ACVR1: variants seen among roughly 807,000 people sequenced by gnomAD.
ACVR1 encodes activin receptor type-1.
ACVR1 carries 38 observed loss-of-function variants against 57.1 expected under a neutral mutation model. That is an observed-to-expected ratio of 0.67 (90% CI 0.51 to 0.87). ACVR1 has a LOEUF of 0.87. Among genes scored for constraint, ACVR1 ranks in the 40% least tolerant of loss-of-function variants. The pLI, the probability that ACVR1 is intolerant of heterozygous loss-of-function variation, is 0.00. For missense variants in ACVR1, 463 were observed against 638.2 expected (o/e 0.73, Z 2.96); for synonymous variants, 212 against 228.1 (o/e 0.93, Z 0.63).
intron 9 of ACVR1, among the ~76,000 whole-genome samples, chr2:157,740,513 G>A (rs150835860): frequency 7.6e-4 from 115 of 152,222 alleles, no homozygotes; most frequent in African/African-American, 2.6e-3. Flanking sequence ...AGTAAGACAC[G>A]TGCCCTTCAC....
chr2:157,872,181 A>G (rs1489066220), intron 1 of ACVR1, among the ~76,000 whole-genome samples: 1 of 152,234 alleles, frequency 6.6e-6, no homozygotes, highest in Non-Finnish European at 1.5e-5. Flanking sequence ...TTCCAGGAAT[A>G]AAGCCACAGT....
intron 9 of ACVR1, among the ~76,000 whole-genome samples, chr2:157,752,454 G>C (rs1685241944): frequency 6.6e-6 from 1 of 152,148 alleles, no homozygotes; most frequent in Non-Finnish European, 1.5e-5. Flanking sequence ...TCCAAACCAA[G>C]AAGAAGAAAT....
intron 9 of ACVR1, 74 bp from the exon 10 acceptor site, chr2:157,738,644 T>C: frequency 6.2e-7 from 1 of 1,605,078 alleles, no homozygotes; most frequent in South Asian, 1.1e-5. Flanking sequence ...TTGATGGGTG[T>C]CACAGGTTAT....
chr2:157,815,164 C>T (rs997701356), intron 2 of ACVR1, among the ~76,000 whole-genome samples: 2 of 151,998 alleles, frequency 1.3e-5, no homozygotes, highest in African/African-American at 2.4e-5. Flanking sequence ...AATAAGAAAA[C>T]GTATAAAACC....
intron 9 of ACVR1, among the ~76,000 whole-genome samples, chr2:157,750,274 G>A (rs1396697076): frequency 1.3e-5 from 2 of 152,174 alleles, no homozygotes; most frequent in African/African-American, 4.8e-5. Context: ...TGCCATTGCT[G>A]GCCCTTGAGC....
intron 3 of ACVR1, among the ~76,000 whole-genome samples, chr2:157,788,799 A>G (rs777225319): frequency 1.1e-4 from 16 of 152,040 alleles, no homozygotes; most frequent in Non-Finnish European, 1.8e-4. Flanking sequence ...ATTTTAAAAT[A>G]ACAGTCAAAA....
At chr2:157,756,585 G>A (rs1182358731) in intron 9 of ACVR1, among the ~76,000 whole-genome samples, 1 of 152,010 alleles carries the variant, frequency 6.6e-6, no homozygotes, top group Admixed American at 6.6e-5. Context: ...TCAGGGAAAT[G>A]CAAATCAAAA....
intron 1 of ACVR1, among the ~76,000 whole-genome samples, chr2:157,854,494 G>A (rs545438038): frequency 7.9e-5 from 12 of 152,120 alleles, no homozygotes; most frequent in Non-Finnish European, 1.3e-4. Context: ...AGGCCGAGGC[G>A]GGAGGATCAC....
intron 1 of ACVR1, among the ~76,000 whole-genome samples, chr2:157,848,855 A>G (rs966031805): frequency 6.6e-6 from 1 of 152,230 alleles, no homozygotes; most frequent in Non-Finnish European, 1.5e-5. Flanking sequence ...ATTAGCAGCA[A>G]TGAACATGAG....
chr2:157,756,964 T>A (rs183640299), intron 9 of ACVR1, among the ~76,000 whole-genome samples: 132 of 144,138 alleles, frequency 9.2e-4, no homozygotes, highest in South Asian at 6.3e-3. Flanking sequence ...ACGTATTTTT[T>A]ATATATATTT....
chr2:157,771,605 A>C, intron 6 of ACVR1, among the ~76,000 whole-genome samples: 1 of 152,162 alleles, frequency 6.6e-6, no homozygotes, highest in Non-Finnish European at 1.5e-5. Flanking sequence ...CTGCAGCACC[A>C]CCTGCATATA....
At chr2:157,770,320 T>C (rs995948104) in intron 7 of ACVR1, 48 bp downstream of exon 7, 16 of 1,606,000 alleles carry the variant, frequency 1.0e-5, no homozygotes, top group African/African-American at 2.7e-5. Context: ...AGGCAGACAA[T>C]TGTTTCTCCC....
In ACVR1 at chr2:157,875,799, G is replaced by C. The variant is rs1690268710; in HGVS notation, c.-186C>G. On this transcript the variant is annotated 5_prime_UTR_variant, in exon 1 of 11. Coordinates refer to ENST00000434821, the MANE Select transcript of ACVR1 (RefSeq NM_001111067.4). ...GCGGCCGGCGACCTGCGCTCACCTC[G>C]GGTCCCGCCGCGGCCGGGGGCTGAG... The C allele has an allele frequency of 6.6e-6, 1 of 151,632 alleles. No homozygotes were observed. The highest frequency in any genetic ancestry group is 1.5e-5 in the Non-Finnish European group (1 of 67,474). 9.4% of individuals were successfully genotyped at this position (151,632 alleles called of 1,614,324 possible). A position where few individuals can be genotyped will look rare whatever the true frequency, so the allele number is the denominator to read the frequency against.
At chr2:157,758,475 C>T (rs1359684329) in intron 9 of ACVR1, among the ~76,000 whole-genome samples, 1 of 151,930 alleles carries the variant, frequency 6.6e-6, no homozygotes, top group Admixed American at 6.6e-5. Context: ...GCAAGGTCAA[C>T]TGTATAATCA....
chr2:157,799,721 TCC>T (rs1189893784), intron 2 of ACVR1, among the ~76,000 whole-genome samples: 1 of 152,186 alleles, frequency 6.6e-6, no homozygotes, highest in South Asian at 2.1e-4. Flanking sequence ...TGGTAGTCAC[TCC>T]AAGGATAGTT....
At chr2:157,842,249 C>A (rs905748450) in intron 1 of ACVR1, among the ~76,000 whole-genome samples, 1 of 152,126 alleles carries the variant, frequency 6.6e-6, no homozygotes, top group African/African-American at 2.4e-5. Context: ...AGCTGATGTT[C>A]TAACATGTGG....
At chr2:157,868,433 C>G (rs917199751) in intron 1 of ACVR1, among the ~76,000 whole-genome samples, 2 of 151,194 alleles carry the variant, frequency 1.3e-5, no homozygotes, top group Non-Finnish European at 2.9e-5. Flanking sequence ...TGCAGTGAGC[C>G]GAGATCGCGC....
intron 2 of ACVR1, among the ~76,000 whole-genome samples, chr2:157,804,536 T>TG (rs1288037032): frequency 6.6e-6 from 1 of 152,178 alleles, no homozygotes; most frequent in African/African-American, 2.4e-5. Flanking sequence ...CACAGGCTAC[T>TG]GGGGACTGCA....
intron 1 of ACVR1, among the ~76,000 whole-genome samples, chr2:157,860,608 T>C (rs577479953): frequency 3.5e-4 from 53 of 152,336 alleles, no homozygotes; most frequent in African/African-American, 1.2e-3. Context: ...TTCAAACTTA[T>C]TTGAGGACCT....
Sources: allele counts gnomAD v4.1 joint callset (sites outside exome capture counted in the v4.1 genomes callset), GRCh38; gene constraint gnomAD v4.1.1; transcripts MANE v1.5; gene names NCBI Gene and HGNC (gene_info 2026-07-23, HGNC 2026-07-21).